SCAPER: variants seen among roughly 807,000 people sequenced by gnomAD.
The protein encoded by SCAPER is S-phase cyclin A associated protein in the ER, also known as S phase cyclin A-associated protein in the endoplasmic reticulum.
In SCAPER, 98 loss-of-function variants were observed where a neutral mutation model predicts 182.2. The ratio of observed to expected loss-of-function variants is 0.54; its 90% CI spans 0.46 to 0.64. The LOEUF (loss-of-function observed/expected upper bound fraction) is 0.64. Ranked by LOEUF, SCAPER falls within the 30% of genes least tolerant of loss-of-function variation. The pLI, the probability that SCAPER is intolerant of heterozygous loss-of-function variation, is 0.00. For missense variants in SCAPER, 1,432 were observed against 1,690.0 expected, an observed-to-expected ratio of 0.85 and a Z score of 2.68; for synonymous variants, 605 against 564.6, an observed-to-expected ratio of 1.07 and a Z score of -1.01.
chr15:76,488,249 C>G (rs559752991), intron 24 of SCAPER, among the ~76,000 whole-genome samples: 1 of 152,180 alleles, frequency 6.6e-6, no homozygotes, highest in East Asian at 1.9e-4. Context: ...ACAGTTCTCT[C>G]TCTTTTCTTT....
chr15:76,709,297 A>T (rs939151577), intron 17 of SCAPER, among the ~76,000 whole-genome samples: 40 of 151,902 alleles, frequency 2.6e-4, no homozygotes, highest in Non-Finnish European at 2.9e-4. Flanking sequence ...ATGCACGCCC[A>T]GCTAATTTTT....
At chr15:76,652,075 C>A (rs566914513) in intron 21 of SCAPER, among the ~76,000 whole-genome samples, 1 of 149,612 alleles carries the variant, frequency 6.7e-6, no homozygotes, top group Admixed American at 6.7e-5. Flanking sequence ...ATCCAACACC[C>A]CTTCATGATG....
At position 76,500,617 on chromosome 15, in the gene SCAPER, ATCT is replaced by A. The variant is rs1181168660; in HGVS notation, c.2954+4239_2954+4241del. On this transcript the variant is annotated intron_variant, in intron 24 of 31. Transcript: ENST00000563290. The stretch of plus-strand genomic sequence containing the variant: ...AGCTGCTTCTAGTCACAGCAGATTC[ATCT>A]TCTTATTTACGTAACATGGGCCATT... Among the ~76,000 whole-genome samples the A allele has an allele frequency of 1.5e-3, 228 of 152,292 alleles. 2 individuals carry two copies. The highest frequency in any genetic ancestry group is 5.0e-3 in the African/African-American group (208 of 41,562).
At chr15:76,802,212 A>G (rs972968439) in intron 6 of SCAPER, among the ~76,000 whole-genome samples, 5 of 152,226 alleles carry the variant, frequency 3.3e-5, no homozygotes, top group Non-Finnish European at 7.3e-5. Flanking sequence ...ACAAGGTCAA[A>G]GACATCCAAA....
At chr15:76,579,571 A>G (rs780039849) in intron 22 of SCAPER, among the ~76,000 whole-genome samples, 1 of 151,998 alleles carries the variant, frequency 6.6e-6, no homozygotes, top group Non-Finnish European at 1.5e-5. Flanking sequence ...ATGAAAACAC[A>G]TTGCTAAAGA....
At chr15:76,807,141 T>A (rs1313498010) in intron 5 of SCAPER, among the ~76,000 whole-genome samples, 1 of 152,228 alleles carries the variant, frequency 6.6e-6, no homozygotes, top group African/African-American at 2.4e-5. Flanking sequence ...TTCCTGATCT[T>A]ACCCAACGGG....
At chr15:76,832,460 T>C (rs374255818) in intron 5 of SCAPER, among the ~76,000 whole-genome samples, 1 of 152,212 alleles carries the variant, frequency 6.6e-6, no homozygotes, top group Non-Finnish European at 1.5e-5. Flanking sequence ...ACAAAACCTC[T>C]GAGAAATATG....
At chr15:76,856,663 C>T (rs1427430038) in intron 4 of SCAPER, among the ~76,000 whole-genome samples, 1 of 151,664 alleles carries the variant, frequency 6.6e-6, no homozygotes, top group Admixed American at 6.6e-5. Context: ...TTGTATTTTA[C>T]ATAATACATA....
intron 15 of SCAPER, among the ~76,000 whole-genome samples, chr15:76,741,450 C>T (rs900944290): frequency 2.0e-5 from 3 of 151,888 alleles, no homozygotes; most frequent in Non-Finnish European, 4.4e-5. Flanking sequence ...AGGTTTTTGG[C>T]CTGAGAGGCA....
intron 21 of SCAPER, among the ~76,000 whole-genome samples, chr15:76,624,279 A>G (rs2052372512): frequency 6.6e-6 from 1 of 152,232 alleles, no homozygotes; most frequent in East Asian, 1.9e-4. Flanking sequence ...AATCAAGAAT[A>G]TAATCCCATT....
chr15:76,400,977 A>T (rs12903874), intron 27 of SCAPER, among the ~76,000 whole-genome samples: 48,396 of 151,270 alleles, frequency 0.32, 8,131 homozygotes, highest in East Asian at 0.58. Context: ...AGATGTATAA[A>T]TATATAATAA....
At chr15:76,745,814 A>G (rs1397660562) in intron 15 of SCAPER, among the ~76,000 whole-genome samples, 1 of 152,260 alleles carries the variant, frequency 6.6e-6, no homozygotes, top group Non-Finnish European at 1.5e-5. Flanking sequence ...CAAAATGAGA[A>G]TACTAAAGTA....
At chr15:76,687,631 C>T (rs541316203) in intron 20 of SCAPER, among the ~76,000 whole-genome samples, 2 of 152,178 alleles carry the variant, frequency 1.3e-5, no homozygotes, top group Non-Finnish European at 2.9e-5. Context: ...TGATGTTCCC[C>T]TTCTTGTGTC....
chr15:76,731,225 C>T (rs2060903009), intron 16 of SCAPER, among the ~76,000 whole-genome samples: 1 of 152,070 alleles, frequency 6.6e-6, no homozygotes, highest in Non-Finnish European at 1.5e-5. Flanking sequence ...AATTCTTAAG[C>T]CTACAGAAGA....
chr15:76,627,537 T>G (rs2052700740), intron 21 of SCAPER, among the ~76,000 whole-genome samples: 1 of 152,172 alleles, frequency 6.6e-6, no homozygotes. Flanking sequence ...ACTGAGAGCA[T>G]GTGGTATTTG....
chr15:76,363,365 CTCAGATAACACCA>C (rs1483128749), intron 29 of SCAPER, among the ~76,000 whole-genome samples: 2 of 152,218 alleles, frequency 1.3e-5, no homozygotes, highest in African/African-American at 4.8e-5. Flanking sequence ...CCTTCAAGGA[CTCAGATAACACCA>C]TCTTTCTATG....
rs148817107 is a variant in SCAPER, at chr15:76,670,023, C to T, written c.2509-4234G>A. On this transcript the variant is annotated intron_variant, in intron 20 of 31. Coordinates refer to ENST00000563290, the MANE Select transcript of SCAPER (RefSeq NM_020843.4). ...AGAATCATATCTTTATTATAGACAA[C>T]GCCTTTACACACATATTCACATACA... Among the ~76,000 whole-genome samples the T allele has an allele frequency of 2.5e-4, 38 of 152,208 alleles. No homozygotes were observed. In the East Asian group the frequency reaches 3.9e-3, roughly 15 times the overall value.
intron 20 of SCAPER, among the ~76,000 whole-genome samples, chr15:76,674,055 T>C (rs1474700861): frequency 6.6e-6 from 1 of 151,256 alleles, no homozygotes; most frequent in Non-Finnish European, 1.5e-5. Context: ...TGGTAAATAA[T>C]AAAAAATGTG....
chr15:76,569,122 T>C (rs1041300336), intron 23 of SCAPER, among the ~76,000 whole-genome samples: 2 of 152,110 alleles, frequency 1.3e-5, no homozygotes, highest in Admixed American at 6.6e-5. Context: ...ATATTTTTGT[T>C]GTACACAATT....
Sources: gnomAD v4.1 joint callset for allele counts (sites outside exome capture counted in the v4.1 genomes callset) on GRCh38, gnomAD v4.1.1 for gene constraint, MANE v1.5 for transcripts, NCBI Gene and HGNC (gene_info 2026-07-23, HGNC 2026-07-21) for gene names.